Variants in TRAK1 observed in about 807,000 individuals in gnomAD.
TRAK1 encodes trafficking kinesin-binding protein 1.
TRAK1 carries 33 observed loss-of-function variants against 92.1 expected under a neutral mutation model. The observed-to-expected ratio is 0.36, with a 90% CI of 0.27 to 0.48. The LOEUF (loss-of-function observed/expected upper bound fraction) is 0.48, where lower values mean the gene tolerates loss of function less well. Ranked by LOEUF, TRAK1 falls within the 20% of genes least tolerant of loss-of-function variation. The pLI is 0.99. For missense variants in TRAK1, 1,123 were observed against 1,257.9 expected (o/e 0.89, Z 1.62); for synonymous variants, 521 against 517.3 (o/e 1.01, Z -0.10).
intron 1 of TRAK1, among the ~76,000 whole-genome samples, chr3:42,060,836 G>T (rs1179852865): frequency 6.6e-6 from 1 of 151,964 alleles, no homozygotes; most frequent in Non-Finnish European, 1.5e-5. Flanking sequence ...TCGCCATGTT[G>T]GCCAGGCTGG....
intron 2 of TRAK1, among the ~76,000 whole-genome samples, chr3:42,153,115 A>C (rs1330743345): frequency 6.6e-6 from 1 of 152,180 alleles, no homozygotes; most frequent in Non-Finnish European, 1.5e-5. Context: ...TGAAAAGGCT[A>C]ATGGGGGCCT....
intron 2 of TRAK1, among the ~76,000 whole-genome samples, chr3:42,149,873 C>A (rs1285912027): frequency 6.6e-6 from 1 of 152,018 alleles, no homozygotes; most frequent in Non-Finnish European, 1.5e-5. Flanking sequence ...TGTTATACTT[C>A]TATTGGATTG....
At chr3:42,049,627 C>T (rs1702902331) in intron 1 of TRAK1, among the ~76,000 whole-genome samples, 1 of 151,706 alleles carries the variant, frequency 6.6e-6, no homozygotes. Flanking sequence ...CTCTGTTTTT[C>T]TTCATTCTCT....
chr3:42,114,810 T>C (rs1708957386), intron 1 of TRAK1, among the ~76,000 whole-genome samples: 1 of 152,152 alleles, frequency 6.6e-6, no homozygotes, highest in South Asian at 2.1e-4. Context: ...CCTCCTGGGT[T>C]CAAGCGATTT....
chr3:42,177,026 C>T (rs985384782), intron 3 of TRAK1, 136 bp downstream of exon 3: 1 of 756,702 alleles, frequency 1.3e-6, no homozygotes, highest in Non-Finnish European at 2.2e-6. Context: ...AATTTAATGG[C>T]TTTACTTTTT....
intron 2 of TRAK1, among the ~76,000 whole-genome samples, chr3:42,141,094 C>A (rs147140787): frequency 1.3e-5 from 2 of 152,256 alleles, no homozygotes; most frequent in Admixed American, 1.3e-4. Flanking sequence ...ATAACTGCAT[C>A]ATTTATATAC....
chr3:42,136,864 G>A (rs1215446980), intron 2 of TRAK1, among the ~76,000 whole-genome samples: 1 of 151,986 alleles, frequency 6.6e-6, no homozygotes, highest in Non-Finnish European at 1.5e-5. Flanking sequence ...TGTGTTTTTA[G>A]TAAAGACAGG....
intron 10 of TRAK1, among the ~76,000 whole-genome samples, chr3:42,196,331 G>GTTCC (rs1706621625): frequency 6.6e-6 from 1 of 152,166 alleles, no homozygotes; most frequent in Admixed American, 6.5e-5. Context: ...GCACAACTAT[G>GTTCC]TTCCCAATTC....
At chr3:42,156,890 C>T (rs11927099) in intron 2 of TRAK1, among the ~76,000 whole-genome samples, 6,153 of 152,108 alleles carry the variant, frequency 0.04, 439 homozygotes, top group African/African-American at 0.14. Flanking sequence ...TGGCTCATGC[C>T]CGTTCATAAT....
chr3:42,144,332 T>C (rs547166980), intron 2 of TRAK1, among the ~76,000 whole-genome samples: 16 of 152,284 alleles, frequency 1.1e-4, no homozygotes, highest in African/African-American at 3.6e-4. Flanking sequence ...CAAACTCTCT[T>C]TGTCCCAGGC....
chr3:42,120,826 G>A (rs1334933850), intron 1 of TRAK1, among the ~76,000 whole-genome samples: 2 of 152,114 alleles, frequency 1.3e-5, no homozygotes, highest in African/African-American at 2.4e-5. Flanking sequence ...GATTATAGGC[G>A]TGAGCCACCG....
rs1249335541 is a variant in TRAK1, at chr3:42,173,725, G to A, written c.287-3089G>A. On this transcript the variant is annotated intron_variant, in intron 2 of 15. Transcript: ENST00000327628. ...CCTCATTCTCTGTGACCTCAGTGGG[G>A]TCCTTAACATCCAGATTCTTAATGT... 2.0e-5 allele frequency among the ~76,000 whole-genome samples: 3 copies of A among 152,166 alleles called. No individual in the cohort carries two copies. In the South Asian group the frequency reaches 6.2e-4, roughly 32 times the overall value.
chr3:42,196,432 C>T (rs1447427193), intron 10 of TRAK1, among the ~76,000 whole-genome samples: 2 of 152,154 alleles, frequency 1.3e-5, no homozygotes, highest in Non-Finnish European at 2.9e-5. Context: ...TCAATATTTC[C>T]TTCCTGTATG....
Position 42,202,940 on chromosome 3 carries a change from G to A in TRAK1, c.1744+188G>A, listed in dbSNP as rs958538466. The A allele has an allele frequency of 1.4e-6, 2 of 1,401,582 alleles. No homozygotes were observed. The highest frequency in any genetic ancestry group is 1.6e-5 in the South Asian group (1 of 60,660). 86.8% of individuals were successfully genotyped at this position (1,401,582 alleles called of 1,614,324 possible). A position where few individuals can be genotyped will look rare whatever the true frequency, so the allele number is the denominator to read the frequency against. On this transcript the variant is annotated intron_variant, in intron 13 of 15. Transcript: ENST00000327628. This position sits in a 1 kb window ranked among gnomAD's most constrained non-coding sequence, Gnocchi z 6.1. ...CCTAGGCCTCCGTCCCTCCCCTCTG[G>A]CTGGCAGGTGTGACAATGCACACAT...
chr3:42,207,271 A>G (rs1048034827), intron 13 of TRAK1, among the ~76,000 whole-genome samples: 1 of 152,128 alleles, frequency 6.6e-6, no homozygotes, highest in Non-Finnish European at 1.5e-5. Context: ...GAGCATTTGT[A>G]CTGGGGCCCA....
At chr3:42,100,888 G>A (rs1706658129) in intron 1 of TRAK1, among the ~76,000 whole-genome samples, 3 of 151,646 alleles carry the variant, frequency 2.0e-5, no homozygotes, top group African/African-American at 4.8e-5. Context: ...AGGCTGTCTC[G>A]AACTCCTGAC....
intron 1 of TRAK1, among the ~76,000 whole-genome samples, chr3:42,052,985 CAG>C (rs971942743): frequency 3.9e-5 from 6 of 152,152 alleles, no homozygotes; most frequent in African/African-American, 7.2e-5. Context: ...AGGGGAAAGA[CAG>C]GGGGAGCTGA....
At chr3:42,157,963 G>A (rs1344925286) in intron 2 of TRAK1, among the ~76,000 whole-genome samples, 2 of 152,170 alleles carry the variant, frequency 1.3e-5, no homozygotes, top group Non-Finnish European at 2.9e-5. Context: ...AATCTGAACT[G>A]TGTACCCCCC....
intron 1 of TRAK1, among the ~76,000 whole-genome samples, chr3:42,093,239 C>T (rs1195067552): frequency 6.6e-6 from 1 of 151,396 alleles, no homozygotes; most frequent in Non-Finnish European, 1.5e-5. Flanking sequence ...AGTGGAATCT[C>T]CTTTATTTCA....
Sources: gnomAD v4.1 joint callset for allele counts (sites outside exome capture counted in the v4.1 genomes callset) on GRCh38, gnomAD v4.1.1 for gene constraint, Gnocchi (gnomAD v3.1) non-coding constraint, MANE v1.5 for transcripts, NCBI Gene and HGNC (gene_info 2026-07-23, HGNC 2026-07-21) for gene names.